The following ZNF385D variants were observed in gnomAD, a reference collection of about 807,000 sequenced individuals.
ZNF385D encodes zinc finger protein 385D.
In ZNF385D, 15 loss-of-function variants were observed where a neutral mutation model predicts 35.8. The ratio of observed to expected loss-of-function variants is 0.42; its 90% CI spans 0.28 to 0.64. The LOEUF is 0.64. Among genes scored for constraint, ZNF385D ranks in the 30% least tolerant of loss-of-function variants. The pLI is 0.23. For synonymous variants in ZNF385D, 212 were observed against 186.8 expected (o/e 1.13, Z -1.10); for missense variants, 474 against 494.6 (o/e 0.96, Z 0.39).
intron 3 of ZNF385D, among the ~76,000 whole-genome samples, chr3:21,888,394 T>C (rs1266318809): frequency 1.3e-5 from 2 of 151,402 alleles, no homozygotes; most frequent in East Asian, 3.9e-4. Flanking sequence ...TGAATTGAAG[T>C]TGGAGGAAGA....
At chr3:21,621,796 C>T (rs2065014684) in intron 2 of ZNF385D, among the ~76,000 whole-genome samples, 1 of 150,252 alleles carries the variant, frequency 6.7e-6, no homozygotes, top group Non-Finnish European at 1.5e-5. Context: ...AAAAGCTCCC[C>T]ATTTGATTAC....
chr3:22,262,130 T>G (rs914685077), intron 2 of ZNF385D, among the ~76,000 whole-genome samples: 5 of 152,030 alleles, frequency 3.3e-5, no homozygotes, highest in Non-Finnish European at 7.4e-5. Context: ...TTTAATGTTA[T>G]CATCATTTTT....
Position 22,104,151 on chromosome 3 carries a change from G to A in ZNF385D, c.325+64666C>T, listed in dbSNP as rs374810697. Among the ~76,000 whole-genome samples the A allele has an allele frequency of 1.2e-4, 19 of 152,044 alleles. No individual in the cohort carries two copies. In the East Asian group the frequency reaches 2.3e-3, roughly 19 times the overall value. ...GGAGACAAATTGGTCCAGCTCTGAG[G>A]GAAAATGCATTTATGCCCCTGCAGT... On this transcript the variant is annotated intron_variant, in intron 3 of 5. Transcript: ENST00000494108.
At chr3:22,261,511 G>C (rs1364349061) in intron 2 of ZNF385D, among the ~76,000 whole-genome samples, 4 of 151,856 alleles carry the variant, frequency 2.6e-5, no homozygotes, top group Admixed American at 1.3e-4. Context: ...TAGTGTCAAT[G>C]GGTGTGCTGT....
intron 2 of ZNF385D, among the ~76,000 whole-genome samples, chr3:22,253,926 A>T (rs1021098038): frequency 6.6e-6 from 1 of 152,124 alleles, no homozygotes; most frequent in East Asian, 1.9e-4. Context: ...GAAAAAAATA[A>T]CATTAAATTC....
rs77253994 is a variant in ZNF385D at position 21,601,836 on chromosome 3, T to C, written c.166-37152A>G. Reference sequence around the variant, plus strand: ...CTTGGTGGTGAGGTGCTCCAATTAATAGTACTCAGACTTCCCTACATGTCT... The same window carrying C: ...CTTGGTGGTGAGGTGCTCCAATTAACAGTACTCAGACTTCCCTACATGTCT... On this transcript the variant is annotated intron_variant, in intron 2 of 7. Coordinates refer to ENST00000281523, the MANE Select transcript of ZNF385D (RefSeq NM_024697.3). 2.3e-3 allele frequency among the ~76,000 whole-genome samples: 355 copies of C among 152,234 alleles called. 3 individuals carry two copies. The highest frequency in any genetic ancestry group is 7.7e-3 in the African/African-American group (319 of 41,538).
At chr3:22,018,378 T>C (rs1306026359) in intron 3 of ZNF385D, among the ~76,000 whole-genome samples, 1 of 151,966 alleles carries the variant, frequency 6.6e-6, no homozygotes, top group Non-Finnish European at 1.5e-5. Flanking sequence ...TTGCCTTTTA[T>C]ATTTATCTTG....
At chr3:21,688,453 G>A (rs2067179614) in intron 1 of ZNF385D, among the ~76,000 whole-genome samples, 1 of 151,974 alleles carries the variant, frequency 6.6e-6, no homozygotes, top group East Asian at 1.9e-4. Flanking sequence ...ATAATTTAGG[G>A]AAGGAAAAGA....
chr3:22,175,625 A>G (rs1694771726), intron 2 of ZNF385D, among the ~76,000 whole-genome samples: 1 of 151,918 alleles, frequency 6.6e-6, no homozygotes, highest in Non-Finnish European at 1.5e-5. Flanking sequence ...AACTTGTGAA[A>G]GAAATTTGGC....
chr3:21,856,293 C>A (rs200304932), intron 3 of ZNF385D, among the ~76,000 whole-genome samples: 1 of 141,132 alleles, frequency 7.1e-6, no homozygotes, highest in Non-Finnish European at 1.5e-5. Flanking sequence ...AGGATTACAT[C>A]CATGGACCCC....
chr3:21,621,586 T>TGTGCGC (rs745931181), intron 2 of ZNF385D, among the ~76,000 whole-genome samples: 12 of 148,912 alleles, frequency 8.1e-5, no homozygotes, highest in Admixed American at 4.7e-4. Flanking sequence ...TGTGTGTGTG[T>TGTGCGC]GCAGTGTAGT....
chr3:22,212,997 G>T (rs951988521), intron 2 of ZNF385D, among the ~76,000 whole-genome samples: 2 of 151,950 alleles, frequency 1.3e-5, no homozygotes, highest in African/African-American at 4.8e-5. Flanking sequence ...TTTAGAGGTG[G>T]TGAATAAGAT....
intron 2 of ZNF385D, among the ~76,000 whole-genome samples, chr3:22,226,282 T>C (rs1199505518): frequency 6.6e-6 from 1 of 152,060 alleles, no homozygotes; most frequent in East Asian, 1.9e-4. Flanking sequence ...TCAACAGAGA[T>C]AAACGCACTT....
intron 3 of ZNF385D, among the ~76,000 whole-genome samples, chr3:21,829,559 T>C (rs965087460): frequency 6.6e-6 from 1 of 151,984 alleles, no homozygotes; most frequent in African/African-American, 2.4e-5. Context: ...AAGGAGAATT[T>C]TAAGCAAGGG....
intron 2 of ZNF385D, among the ~76,000 whole-genome samples, chr3:21,570,945 A>C (rs2063317640): frequency 6.6e-6 from 1 of 152,160 alleles, no homozygotes. Context: ...AAACACTAAA[A>C]ATTCCTTAAA....
intron 3 of ZNF385D, among the ~76,000 whole-genome samples, chr3:22,076,597 C>G (rs542747471): frequency 1.3e-5 from 2 of 152,002 alleles, no homozygotes; most frequent in African/African-American, 4.8e-5. Flanking sequence ...TTTATGTTTC[C>G]TAGCCCAATT....
At chr3:22,041,822 G>A (rs1698681795) in intron 3 of ZNF385D, among the ~76,000 whole-genome samples, 1 of 151,938 alleles carries the variant, frequency 6.6e-6, no homozygotes, top group African/African-American at 2.4e-5. Flanking sequence ...AGGAATGGTT[G>A]AAAAAAACAG....
At chr3:22,317,818 T>C (rs1193671648) in intron 2 of ZNF385D, among the ~76,000 whole-genome samples, 3 of 152,280 alleles carry the variant, frequency 2.0e-5, no homozygotes, top group Non-Finnish European at 2.9e-5. Flanking sequence ...CCCAGCACTT[T>C]AGGAGGCTAA....
chr3:21,489,894 T>C (rs1705298632), intron 4 of ZNF385D, among the ~76,000 whole-genome samples: 1 of 152,084 alleles, frequency 6.6e-6, no homozygotes, highest in African/African-American at 2.4e-5. Context: ...TCTTTCTGAC[T>C]TCCTTCTTTG....
Sources: allele counts gnomAD v4.1 joint callset (sites outside exome capture counted in the v4.1 genomes callset), GRCh38; gene constraint gnomAD v4.1.1; transcripts MANE v1.5; gene names NCBI Gene and HGNC (gene_info 2026-07-23, HGNC 2026-07-21).